NEBL: variants seen among roughly 807,000 people sequenced by gnomAD.
NEBL encodes nebulette.
In NEBL, 122 loss-of-function variants were observed where a neutral mutation model predicts 140.2. The observed-to-expected ratio is 0.87, with a 90% CI of 0.75 to 1.01. The LOEUF (loss-of-function observed/expected upper bound fraction) is 1.01. Ranked by LOEUF, NEBL falls within the 50% of genes least tolerant of loss-of-function variation. The pLI, the probability that NEBL is intolerant of heterozygous loss-of-function variation, is 0.00. For synonymous variants in NEBL, 436 were observed against 398.9 expected (o/e 1.09, Z -1.11); for missense variants, 1,365 against 1,231.3 (o/e 1.11, Z -1.62).
intron 2 of NEBL, among the ~76,000 whole-genome samples, chr10:21,063,822 G>A (rs1835406833): frequency 6.6e-6 from 1 of 151,802 alleles, no homozygotes; most frequent in African/African-American, 2.4e-5. Flanking sequence ...GTGAGCCAAG[G>A]TCACGCCACT....
chr10:20,871,132 C>T (rs1844891471), intron 5 of NEBL, among the ~76,000 whole-genome samples: 1 of 152,164 alleles, frequency 6.6e-6, no homozygotes, highest in African/African-American at 2.4e-5. Context: ...TTTCAGAGCA[C>T]AGAAAGATCA....
chr10:21,288,835 TATATATATATATATAA>T (rs1363363681), intron 1 of NEBL, among the ~76,000 whole-genome samples: 5 of 85,040 alleles, frequency 5.9e-5, no homozygotes, highest in African/African-American at 2.3e-4. Context: ...TATATATATA[TATATATATATATATAA>T]AAATTTTTTT....
chr10:20,868,310 CTG>C (rs3085048), intron 7 of NEBL: 117,294 of 155,758 alleles, frequency 0.75, 46,766 homozygotes, highest in Non-Finnish European at 0.9. Context: ...AAGTTAAAAA[CTG>C]TGTGTGTGTG....
intron 7 of NEBL, among the ~76,000 whole-genome samples, chr10:20,863,401 A>G (rs1342871389): frequency 1.3e-5 from 2 of 152,210 alleles, no homozygotes; most frequent in South Asian, 4.1e-4. Flanking sequence ...TACCTTAATT[A>G]TCATTGAAAA....
chr10:21,020,340 C>A, intron 2 of NEBL: 2 of 733,714 alleles, frequency 2.7e-6, no homozygotes, highest in Admixed American at 4.0e-5. Context: ...CTAAGGTCAT[C>A]TCTCTGTCAT....
At chr10:21,194,478 C>A (rs1284096393) in intron 3 of NEBL, among the ~76,000 whole-genome samples, 2 of 152,094 alleles carry the variant, frequency 1.3e-5, no homozygotes. Context: ...ATTTTTATGA[C>A]CTCAAGTTCA....
intron 3 of NEBL, among the ~76,000 whole-genome samples, chr10:21,005,290 A>T (rs955238136): frequency 1.3e-5 from 2 of 152,228 alleles, no homozygotes; most frequent in African/African-American, 2.4e-5. Flanking sequence ...TAAGTCACAG[A>T]ATACCCATCT....
At chr10:21,016,335 T>C (rs1838553945) in intron 3 of NEBL, among the ~76,000 whole-genome samples, 1 of 152,210 alleles carries the variant, frequency 6.6e-6, no homozygotes, top group Non-Finnish European at 1.5e-5. Flanking sequence ...TTTCATAAAA[T>C]GTTATTATGA....
At chr10:21,251,727 C>T (rs1288715030) in intron 2 of NEBL, among the ~76,000 whole-genome samples, 1 of 152,144 alleles carries the variant, frequency 6.6e-6, no homozygotes, top group African/African-American at 2.4e-5. Flanking sequence ...AGAGAAACCC[C>T]TTACCCCTTT....
intron 2 of NEBL, among the ~76,000 whole-genome samples, chr10:21,128,987 A>G (rs1838973155): frequency 6.6e-6 from 1 of 152,198 alleles, no homozygotes; most frequent in Admixed American, 6.5e-5. Context: ...CAGGTGCACA[A>G]CTTTCAGTGT....
intron 19 of NEBL, among the ~76,000 whole-genome samples, chr10:20,820,094 T>C (rs1004655788): frequency 1.3e-5 from 2 of 152,188 alleles, no homozygotes; most frequent in African/African-American, 4.8e-5. Flanking sequence ...AATTCTACAT[T>C]CTTATCATTG....
At chr10:21,292,531 T>C (rs987243913) in intron 1 of NEBL, among the ~76,000 whole-genome samples, 2 of 152,218 alleles carry the variant, frequency 1.3e-5, no homozygotes, top group African/African-American at 4.8e-5. Context: ...CGGGACTTTT[T>C]TTCCTGAAAA....
chr10:21,204,879 T>A (rs778774068), intron 3 of NEBL, among the ~76,000 whole-genome samples: 2 of 152,178 alleles, frequency 1.3e-5, no homozygotes, highest in Non-Finnish European at 1.5e-5. Context: ...CATGAAACCA[T>A]GACATTTAGC....
chr10:20,934,909 C>G (rs1242175202), intron 4 of NEBL, among the ~76,000 whole-genome samples: 6 of 152,132 alleles, frequency 3.9e-5, no homozygotes, highest in Non-Finnish European at 4.4e-5. Flanking sequence ...GAAGAGAGAT[C>G]TAGGACAGTA....
At chr10:20,842,433 A>G (rs892778737) in intron 12 of NEBL, among the ~76,000 whole-genome samples, 10 of 152,108 alleles carry the variant, frequency 6.6e-5, no homozygotes. Flanking sequence ...GAACACTCTA[A>G]TGCAATGTCA....
chr10:21,161,556 C>G (rs983075305), intron 2 of NEBL, among the ~76,000 whole-genome samples: 1 of 152,146 alleles, frequency 6.6e-6, no homozygotes, highest in Non-Finnish European at 1.5e-5. Context: ...ATAGGACAGA[C>G]TCGTGTATCA....
intron 3 of NEBL, among the ~76,000 whole-genome samples, chr10:20,987,005 G>A (rs1035427202): frequency 1.4e-4 from 21 of 152,070 alleles, no homozygotes; most frequent in Non-Finnish European, 2.8e-4. Context: ...GTAAAGCATC[G>A]TTATTTGAAT....
At chr10:20,947,876 A>C (rs1835256788) in intron 4 of NEBL, among the ~76,000 whole-genome samples, 1 of 152,222 alleles carries the variant, frequency 6.6e-6, no homozygotes, top group Non-Finnish European at 1.5e-5. Flanking sequence ...ACAATCTAAC[A>C]AACACCGAAT....
intron 1 of NEBL, among the ~76,000 whole-genome samples, chr10:21,275,516 T>G (rs1842909854): frequency 6.6e-6 from 1 of 152,208 alleles, no homozygotes; most frequent in Non-Finnish European, 1.5e-5. Context: ...CTCCTCTCTG[T>G]TTTTCGTGTC....
Sources: allele counts gnomAD v4.1 joint callset (sites outside exome capture counted in the v4.1 genomes callset), GRCh38; gene constraint gnomAD v4.1.1; transcripts MANE v1.5; gene names NCBI Gene and HGNC (gene_info 2026-07-23, HGNC 2026-07-21).